The following ANKRD28 variants were observed in gnomAD, a reference collection of about 807,000 sequenced individuals.
ANKRD28 encodes serine/threonine-protein phosphatase 6 regulatory ankyrin repeat subunit A.
Under a neutral mutation model 126.5 loss-of-function variants are expected in ANKRD28, and 44 were observed. The observed-to-expected ratio is 0.35, with a 90% CI of 0.27 to 0.45. The LOEUF is 0.45. Among genes scored for constraint, ANKRD28 ranks in the 20% least tolerant of loss-of-function variants. ANKRD28 has a pLI of 1.00. For missense variants in ANKRD28, 1,110 were observed against 1,316.6 expected, an observed-to-expected ratio of 0.84 and a Z score of 2.43; for synonymous variants, 442 against 468.5, an observed-to-expected ratio of 0.94 and a Z score of 0.73.
chr3:15,676,901 G>T, intron 26 of ANKRD28, 73 bp downstream of exon 26: 1 of 1,295,414 alleles, frequency 7.7e-7, no homozygotes, highest in Non-Finnish European at 1.1e-6. Context: ...ATAGTCACAT[G>T]TTTAAAAAAA....
intron 4 of ANKRD28, among the ~76,000 whole-genome samples, chr3:15,744,553 G>A (rs1349403408): frequency 5.3e-5 from 8 of 151,450 alleles, no homozygotes; most frequent in Non-Finnish European, 1.2e-4. Context: ...CTGACCTCAG[G>A]TGATCTGCCC....
chr3:15,834,844 T>G (rs1173046854), intron 1 of ANKRD28, among the ~76,000 whole-genome samples: 1 of 152,164 alleles, frequency 6.6e-6, no homozygotes, highest in African/African-American at 2.4e-5. Context: ...ATCAAACACT[T>G]CCCTGTTATG....
chr3:15,801,722 C>T (rs1032508630), upstream of ANKRD28, among the ~76,000 whole-genome samples: 23 of 152,054 alleles, frequency 1.5e-4, no homozygotes, highest in African/African-American at 5.6e-4. This position sits in a 1 kb window ranked among gnomAD's most constrained non-coding sequence, Gnocchi z 4.9. Flanking sequence ...AGAATCCATG[C>T]AATTATCTAT....
chr3:15,698,090 T>G (rs964468362), intron 14 of ANKRD28, among the ~76,000 whole-genome samples: 1 of 152,096 alleles, frequency 6.6e-6, no homozygotes, highest in South Asian at 2.1e-4. Context: ...TCCCTTTATG[T>G]GTCTATTTGA....
chr3:15,712,260 C>G, intron 10 of ANKRD28, 38 bp from the exon 11 acceptor site: 1 of 1,479,530 alleles, frequency 6.8e-7, no homozygotes, highest in African/African-American at 1.4e-5. Flanking sequence ...TTCATTTTAA[C>G]ACAAGAAAAA....
chr3:15,751,695 G>C, intron 4 of ANKRD28, 55 bp downstream of exon 4: 1 of 1,116,624 alleles, frequency 9.0e-7, no homozygotes, highest in Non-Finnish European at 1.3e-6. Context: ...GGATTCAGGG[G>C]TACGCCTATT....
chr3:15,684,535 TCTCA>T (rs1428954269), intron 21 of ANKRD28: 2 of 152,172 alleles, frequency 1.3e-5, no homozygotes, highest in Admixed American at 6.6e-5. Flanking sequence ...ATGTGATACA[TCTCA>T]CTGTTTCTCC....
intron 5 of ANKRD28, among the ~76,000 whole-genome samples, chr3:15,736,585 A>G (rs2075031782): frequency 6.6e-6 from 1 of 152,238 alleles, no homozygotes; most frequent in African/African-American, 2.4e-5. Context: ...TAGCACAGAC[A>G]ACGTTTGTTG....
intron 1 of ANKRD28, among the ~76,000 whole-genome samples, chr3:15,841,418 T>G (rs1018617483): frequency 8.5e-5 from 13 of 152,086 alleles, no homozygotes; most frequent in Non-Finnish European, 1.8e-4. Context: ...ACCCACAGAA[T>G]GGGAGAAAAT....
At chr3:15,671,578 G>GTTTTTTTTTTTTTTTTTTTTT (rs869032190) in intron 27 of ANKRD28, among the ~76,000 whole-genome samples, 1 of 141,326 alleles carries the variant, frequency 7.1e-6, no homozygotes, top group African/African-American at 2.7e-5. Flanking sequence ...AAACACTATA[G>GTTTTTTTTTTTTTTTTTTTTT]TTTTTTTTTT....
At chr3:15,711,068 C>G (rs575732816) in intron 12 of ANKRD28, 143 bp downstream of exon 12, 1 of 626,138 alleles carries the variant, frequency 1.6e-6, no homozygotes, top group Non-Finnish European at 2.7e-6. Flanking sequence ...ATTCTGCCAC[C>G]CTGGACTTTT....
chr3:15,766,762 TG>T (rs2058758770), intron 2 of ANKRD28, among the ~76,000 whole-genome samples: 1 of 152,008 alleles, frequency 6.6e-6, no homozygotes. Context: ...CTTAAAATAG[TG>T]GTATAAAGTC....
chr3:15,766,074 T>A (rs2058721935), intron 3 of ANKRD28, among the ~76,000 whole-genome samples, 160 bp downstream of exon 3: 1 of 152,178 alleles, frequency 6.6e-6, no homozygotes, highest in Non-Finnish European at 1.5e-5. Context: ...CAGAAAAAGA[T>A]ATGTGATCAG....
At chr3:15,684,531 T>C (rs966816739) in intron 21 of ANKRD28, 3 of 152,336 alleles carry the variant, frequency 2.0e-5, no homozygotes, top group African/African-American at 4.8e-5. Flanking sequence ...TAGAATGTGA[T>C]ACATCTCACT....
Position 15,838,938 on chromosome 3 carries a change from C to G in ANKRD28, c.27+20439G>C, listed in dbSNP as rs1337118081. 6.6e-6 allele frequency among the ~76,000 whole-genome samples: 1 copy of G among 152,054 alleles called. No homozygotes were observed. Among genetic ancestry groups the G allele is most frequent in the Non-Finnish European group, 1.5e-5 (1 of 68,010 alleles). On this transcript the variant is annotated intron_variant, in intron 1 of 27. Coordinates refer to the ANKRD28 transcript ENST00000399451. The surrounding 1 kb of genome is among the most constrained non-coding windows in gnomAD (Gnocchi z 4.0). ...GGAATACTATTCAGCAACGAAGAAC[C>G]AATTAATACATGTTACAACATGAAT...
chr3:15,737,252 TATAAA>T lies in ANKRD28; in HGVS notation c.352-24_352-20del, dbSNP rs1262055254. ...CTGCTTCCTAAAACATATGAAAAGT[TATAAA>T]AGACAAATGAGTTAAGAGTTTGAGA... On this transcript the variant is annotated intron_variant, in intron 4 of 27. Coordinates refer to ENST00000683139, the MANE Select transcript of ANKRD28 (RefSeq NM_001349278.2). 6.2e-7 allele frequency: 1 copy of T among 1,601,056 alleles called. No individual in the cohort carries two copies. The highest frequency in any genetic ancestry group is 1.1e-5 in the South Asian group (1 of 89,938).
intron 1 of ANKRD28, among the ~76,000 whole-genome samples, chr3:15,836,321 CATT>C (rs1162417499): frequency 1.1e-4 from 17 of 151,940 alleles, no homozygotes; most frequent in Admixed American, 1.0e-3. Flanking sequence ...ATGTAACAAT[CATT>C]ATTAATCTGA....
At chr3:15,713,162 G>A (rs1440021542) in intron 10 of ANKRD28, among the ~76,000 whole-genome samples, 1 of 152,074 alleles carries the variant, frequency 6.6e-6, no homozygotes, top group Non-Finnish European at 1.5e-5. Flanking sequence ...AGCCTGAAAA[G>A]TATTATCTAC....
At position 15,693,605 on chromosome 3, in the gene ANKRD28, ATGCTGCTGC is replaced by A. The variant is rs56816346; in HGVS notation, c.1761+1125_1761+1133del. On this transcript the variant is annotated intron_variant, in intron 17 of 27. Coordinates refer to ENST00000683139, the MANE Select transcript of ANKRD28 (RefSeq NM_001349278.2). ...TGACAGTGAAATTATTATAATGAGAATGCTGCTGCTGCTGCTGCTGCTAATGCTGCTCAG... is the reference window on the plus strand; with the variant it reads ...TGACAGTGAAATTATTATAATGAGAATGCTGCTGCTGCTAATGCTGCTCAG... 3.0e-4 allele frequency among the ~76,000 whole-genome samples: 45 copies of A among 152,002 alleles called. 6 individuals are homozygous for A. The highest frequency in any genetic ancestry group is 9.8e-4 in the Admixed American group (15 of 15,278).
Sources: allele counts gnomAD v4.1 joint callset (sites outside exome capture counted in the v4.1 genomes callset), GRCh38; gene constraint gnomAD v4.1.1; non-coding constraint Gnocchi (gnomAD v3.1); transcripts MANE v1.5; gene names NCBI Gene and HGNC (gene_info 2026-07-23, HGNC 2026-07-21).